The following NSMCE1 variants were observed in gnomAD, a reference collection of about 807,000 sequenced individuals.
NSMCE1 encodes NSE1 component of SMC5/6 complex, also known as non-structural maintenance of chromosomes element 1 homolog.
Under a neutral mutation model 29.6 loss-of-function variants are expected in NSMCE1, and 18 were observed. That is an observed-to-expected ratio of 0.61 (90% CI 0.42 to 0.90). The LOEUF is 0.90. Among genes scored for constraint, NSMCE1 ranks in the 40% least tolerant of loss-of-function variants. The pLI is 0.00. For missense variants in NSMCE1, 314 were observed against 343.6 expected (o/e 0.91, Z 0.68); for synonymous variants, 124 against 133.4 (o/e 0.93, Z 0.49).
At chr16:27,248,799 C>T (rs924082486) in intron 2 of NSMCE1, among the ~76,000 whole-genome samples, 2 of 151,892 alleles carry the variant, frequency 1.3e-5, no homozygotes, top group Non-Finnish European at 2.9e-5. Context: ...AAATATTTTG[C>T]ACACTTCTTA....
intron 1 of NSMCE1, among the ~76,000 whole-genome samples, chr16:27,259,934 C>G (rs1322846892): frequency 1.3e-5 from 2 of 152,078 alleles, no homozygotes; most frequent in African/African-American, 4.8e-5. Context: ...GAGCTGAAGA[C>G]TGAGGATAAG....
chr16:27,257,171 A>G (rs2084096403), intron 2 of NSMCE1, among the ~76,000 whole-genome samples: 1 of 152,226 alleles, frequency 6.6e-6, no homozygotes, highest in African/African-American at 2.4e-5. Flanking sequence ...AGGCTGGGGC[A>G]GGTCCTGGAG....
At chr16:27,257,633 G>A (rs138864301) in intron 1 of NSMCE1, 52 bp from the exon 2 acceptor site, 30 of 1,454,302 alleles carry the variant, frequency 2.1e-5, no homozygotes, top group Non-Finnish European at 2.5e-5. Context: ...CAGAAGCAAC[G>A]TCCTGGGTCT....
intron 5 of NSMCE1, 67 bp from the exon 6 acceptor site, chr16:27,226,903 C>T: frequency 1.0e-6 from 1 of 969,824 alleles, no homozygotes; most frequent in East Asian, 2.4e-5. Context: ...CCTCTCTTCC[C>T]TCTGTGATCC....
chr16:27,225,988 A>G, intron 6 of NSMCE1, 142 bp from the exon 7 acceptor site: 1 of 979,836 alleles, frequency 1.0e-6, no homozygotes, highest in African/African-American at 1.6e-5. Context: ...AAATAATCCC[A>G]AACGCCTTAG....
intron 2 of NSMCE1, among the ~76,000 whole-genome samples, chr16:27,241,194 G>C (rs1878169562): frequency 6.6e-6 from 1 of 152,162 alleles, no homozygotes; most frequent in Admixed American, 6.5e-5. Flanking sequence ...CTGTGCACTT[G>C]GGCAACAGGA....
intron 1 of NSMCE1, among the ~76,000 whole-genome samples, chr16:27,260,324 T>C (rs888119766): frequency 1.3e-5 from 2 of 152,236 alleles, no homozygotes; most frequent in Admixed American, 1.3e-4. Flanking sequence ...GAATAAATTT[T>C]ACACTTGCAT....
chr16:27,267,922 T>C (rs559123613), intron 1 of NSMCE1, among the ~76,000 whole-genome samples: 134 of 152,222 alleles, frequency 8.8e-4, no homozygotes, highest in African/African-American at 3.0e-3. Flanking sequence ...TTTGTATTTT[T>C]AGTAGAGACA....
At chr16:27,259,897 G>A (rs531743361) in intron 1 of NSMCE1, among the ~76,000 whole-genome samples, 12 of 152,256 alleles carry the variant, frequency 7.9e-5, no homozygotes, top group South Asian at 6.2e-4. Context: ...TGCTGGGAGC[G>A]GGTGTCTCAA....
rs2083769301 is a variant in NSMCE1 at position 27,232,170 on chromosome 16, C to A, written c.483+831G>T. Among the ~76,000 whole-genome samples the A allele has an allele frequency of 1.3e-5, 2 of 152,194 alleles. No individual in the cohort carries two copies. Among genetic ancestry groups the A allele is most frequent in the Non-Finnish European group, 1.5e-5 (1 of 68,030 alleles). The stretch of plus-strand genomic sequence containing the variant: ...CAAGCAGCAGCCTCTGGCCACGAGT[C>A]CGACCACCAAGTGAGGAAGCGGGGA... On this transcript the variant is annotated intron_variant, in intron 5 of 7. Coordinates refer to ENST00000361439, the MANE Select transcript of NSMCE1 (RefSeq NM_145080.4). This position sits in a 1 kb window ranked among gnomAD's most constrained non-coding sequence, Gnocchi z 4.5.
intron 1 of NSMCE1, among the ~76,000 whole-genome samples, chr16:27,267,674 T>C (rs1310268002): frequency 2.0e-5 from 3 of 151,860 alleles, no homozygotes; most frequent in Non-Finnish European, 4.4e-5. Context: ...GTTGGAAAAC[T>C]TGACCTGACT....
At chr16:27,259,642 G>T (rs2084133029) in intron 1 of NSMCE1, among the ~76,000 whole-genome samples, 1 of 152,120 alleles carries the variant, frequency 6.6e-6, no homozygotes, top group Non-Finnish European at 1.5e-5. Flanking sequence ...AGGGGATGAG[G>T]TATCACCGAG....
Position 27,232,519 on chromosome 16 carries a change from C to T in NSMCE1, c.483+482G>A, listed in dbSNP as rs557215074. Among the ~76,000 whole-genome samples the T allele has an allele frequency of 7.0e-4, 106 of 152,330 alleles. No individual in the cohort carries two copies. Among genetic ancestry groups the T allele is most frequent in the African/African-American group, 2.1e-3 (87 of 41,574 alleles). ...TCACCAATTCCTCTGCCGCCTCCCC[C>T]GCGAGCCAGCCAGCCTAGCACCGAG... On this transcript the variant is annotated intron_variant, in intron 5 of 7. Coordinates refer to ENST00000361439, the MANE Select transcript of NSMCE1 (RefSeq NM_145080.4). The surrounding 1 kb of genome is among the most constrained non-coding windows in gnomAD (Gnocchi z 4.5).
At chr16:27,244,732 C>T (rs570412152) in intron 2 of NSMCE1, among the ~76,000 whole-genome samples, 169 of 152,374 alleles carry the variant, frequency 1.1e-3, no homozygotes, top group Non-Finnish European at 1.8e-3. Flanking sequence ...ATGCTTCCTT[C>T]CAGCACTTAG....
chr16:27,260,222 T>C (rs370647494), intron 1 of NSMCE1, among the ~76,000 whole-genome samples: 1 of 152,146 alleles, frequency 6.6e-6, no homozygotes, highest in Non-Finnish European at 1.5e-5. Flanking sequence ...AAAAACTAAA[T>C]ACACAAAAAT....
At chr16:27,226,596 G>T in intron 6 of NSMCE1, 124 bp downstream of exon 6, 1 of 648,954 alleles carries the variant, frequency 1.5e-6, no homozygotes, top group Non-Finnish European at 2.7e-6. Flanking sequence ...GCCAGCTCTT[G>T]TGGGAGGATG....
At chr16:27,251,241 TTCTAAG>T (rs2084032740) in intron 2 of NSMCE1, among the ~76,000 whole-genome samples, 1 of 144,140 alleles carries the variant, frequency 6.9e-6, no homozygotes, top group Non-Finnish European at 1.5e-5. Context: ...CTCACTTGTG[TTCTAAG>T]TCTATTTATC....
chr16:27,257,028 T>C (rs1377762796), intron 2 of NSMCE1, among the ~76,000 whole-genome samples: 1 of 152,198 alleles, frequency 6.6e-6, no homozygotes, highest in East Asian at 1.9e-4. Flanking sequence ...CTGCCCTGTG[T>C]CCATCAATAC....
chr16:27,247,556 C>T (rs766355927), intron 2 of NSMCE1, among the ~76,000 whole-genome samples: 1 of 152,210 alleles, frequency 6.6e-6, no homozygotes. Context: ...CCTATCCCTC[C>T]TCTATGCCAT....
Sources: allele counts gnomAD v4.1 joint callset (sites outside exome capture counted in the v4.1 genomes callset), GRCh38; gene constraint gnomAD v4.1.1; non-coding constraint Gnocchi (gnomAD v3.1); transcripts MANE v1.5; gene names NCBI Gene and HGNC (gene_info 2026-07-23, HGNC 2026-07-21).